CENPL: variants seen among roughly 807,000 people sequenced by gnomAD.
CENPL encodes the protein centromere protein L.
In CENPL, 20 loss-of-function variants were observed where a neutral mutation model predicts 35.2. That is an observed-to-expected ratio of 0.57 (90% confidence interval 0.40 to 0.83). The LOEUF is 0.83. Ranked by LOEUF, CENPL falls within the 40% of genes least tolerant of loss-of-function variation. CENPL has a pLI of 0.00. For synonymous variants in CENPL, 140 were observed against 140.6 expected (o/e 1.00, Z 0.03); for missense variants, 363 against 395.8 (o/e 0.92, Z 0.70).
Position 173,803,027 on chromosome 1 carries a change from G to A in CENPL, c.899C>T (p.Ser300Leu). Residue 300 changes from serine (S) to leucine (L), a missense_variant, in exon 5 of 6, where the codon TCA becomes TTA. Ser to Leu is a moderately radical substitution (Grantham distance 145). Transcript: ENST00000682279. The part of the protein sequence containing the change: ...HFHRHFKIHL[S>L]ATRLVRVSTS... ...TGAAACACGAACTAATCTTGTGGCTGATAAATGAATTTTGAAATGTCTATG... is the reference window on the plus strand; with the variant it reads ...TGAAACACGAACTAATCTTGTGGCTAATAAATGAATTTTGAAATGTCTATG... 1 of 1,613,616 alleles carries A rather than the reference G, an allele frequency of 6.2e-7. No individual in the cohort carries two copies. Among genetic ancestry groups the A allele is most frequent in the Non-Finnish European group, 8.5e-7 (1 of 1,179,542 alleles).
chr1:173,806,063 C>CAGCCACAGACAATATATA (rs1378180898), intron 4 of CENPL, among the ~76,000 whole-genome samples: 2 of 152,156 alleles, frequency 1.3e-5, no homozygotes, highest in Non-Finnish European at 2.9e-5. Context: ...AGCACAAAAG[C>CAGCCACAGACAATATATA]AGCCACAGAC....
At chr1:173,808,150 G>A (rs1193277532) in intron 3 of CENPL, among the ~76,000 whole-genome samples, 1 of 152,134 alleles carries the variant, frequency 6.6e-6, no homozygotes, top group Non-Finnish European at 1.5e-5. Flanking sequence ...GCTGACGACT[G>A]TAATCCCAGC....
Position 173,803,523 on chromosome 1 carries a change from A to G in CENPL, c.421-18T>C, listed in dbSNP as rs1649948657. 2 of 1,529,878 alleles carry G rather than the reference A, an allele frequency of 1.3e-6. No homozygotes were observed. The highest frequency in any genetic ancestry group is 2.8e-5 in the African/African-American group (2 of 71,782). 94.8% of individuals were successfully genotyped at this position (1,529,878 alleles called of 1,614,324 possible). On this transcript the variant is annotated intron_variant, in intron 4 of 5. Transcript: ENST00000682279. ...GACACAATCTACAAAGAAAGTAAAC[A>G]GGCTCCTTAAATTCAAAAGTACATT...
intron 2 of CENPL, among the ~76,000 whole-genome samples, chr1:173,817,293 TAAAC>T (rs1291800769): frequency 7.2e-5 from 11 of 152,152 alleles, no homozygotes; most frequent in Admixed American, 7.2e-4. Context: ...AAAAAGGACT[TAAAC>T]AAATTTACAA....
In CENPL at chr1:173,820,641, C is replaced by T. The variant is rs548870548; in HGVS notation, c.-8+3285G>A. On this transcript the variant is annotated intron_variant, in intron 2 of 5. Transcript: ENST00000682279. Reference sequence around the variant, plus strand: ...TTATTTTTAGAAATGTTCATAGTAGCTTTATTCATAATAGCCAAAAATTGA... The same window carrying T: ...TTATTTTTAGAAATGTTCATAGTAGTTTTATTCATAATAGCCAAAAATTGA... Among the ~76,000 whole-genome samples the T allele has an allele frequency of 2.0e-5, 3 of 152,240 alleles. No homozygotes were observed. The East Asian group carries it at 5.8e-4, about 29-fold the overall frequency.
rs780571441 is a variant in CENPL at position 173,803,149 on chromosome 1, C to T, written c.777G>A (p.Glu259=). 6.2e-7 allele frequency: 1 copy of T among 1,614,076 alleles called. No homozygotes were observed. Among genetic ancestry groups the T allele is most frequent in the Admixed American group, 1.7e-5 (1 of 60,024 alleles). ...CACTGTCCCATAGAGCTTTTGCATC[C>T]TCTGGATGTATTGCGAAAGAAATGT... The part of the protein sequence containing the change: ...SLDISFAIHP[E]DAKALWDSVH... The change falls in exon 5 of 6, where the codon GAG becomes GAA. Residue 259 remains glutamate (E), a synonymous_variant. Coordinates refer to ENST00000682279, the MANE Select transcript of CENPL (RefSeq NM_001387287.1).
chr1:173,817,059 C>T (rs992220528), intron 2 of CENPL, among the ~76,000 whole-genome samples: 3 of 152,008 alleles, frequency 2.0e-5, no homozygotes, highest in Non-Finnish European at 4.4e-5. Context: ...AATCGCTGAA[C>T]CCAAGGAGGC....
At position 173,799,854 on chromosome 1, in the gene CENPL, T is replaced by C. The variant is rs1557843167; in HGVS notation, c.*594A>G. On this transcript the variant is annotated 3_prime_UTR_variant, in exon 6 of 6. Coordinates refer to ENST00000682279, the MANE Select transcript of CENPL (RefSeq NM_001387287.1). ...TTAAACATAATAAACGCTGTATTTA[T>C]TTATTTTATTTCTTTTTTATTTTTT... 1 of 152,176 alleles carries C rather than the reference T, an allele frequency of 6.6e-6. No homozygotes were observed. Among genetic ancestry groups the C allele is most frequent in the Non-Finnish European group, 1.5e-5 (1 of 68,048 alleles). The allele number at this position is 152,176 out of a possible 1,614,324, so 9.4% of individuals were successfully genotyped here.
chr1:173,812,760 G>A (rs565125386), intron 2 of CENPL, among the ~76,000 whole-genome samples: 1 of 152,202 alleles, frequency 6.6e-6, no homozygotes, highest in South Asian at 2.1e-4. Flanking sequence ...AAACCAGAGG[G>A]CCTCTTCTCC....
At chr1:173,813,323 A>G (rs1486295538) in intron 2 of CENPL, among the ~76,000 whole-genome samples, 1 of 152,228 alleles carries the variant, frequency 6.6e-6, no homozygotes, top group African/African-American at 2.4e-5. Flanking sequence ...AAATACACAG[A>G]ACACCACAAA....
At chr1:173,806,006 T>A in intron 4 of CENPL, among the ~76,000 whole-genome samples, 1 of 152,324 alleles carries the variant, frequency 6.6e-6, no homozygotes. Flanking sequence ...ATTTCAGACT[T>A]TGCTGGCAAT....
intron 4 of CENPL, among the ~76,000 whole-genome samples, chr1:173,805,121 A>C (rs1650091159): frequency 6.6e-6 from 1 of 152,206 alleles, no homozygotes; most frequent in African/African-American, 2.4e-5. Flanking sequence ...TAGATGCTTG[A>C]CTGATAATAT....
chr1:173,816,139 T>C (rs1164337569), intron 2 of CENPL, among the ~76,000 whole-genome samples: 1 of 152,116 alleles, frequency 6.6e-6, no homozygotes, highest in East Asian at 1.9e-4. Context: ...ATGTGAAGGA[T>C]CTCTTCAAGG....
At position 173,807,494 on chromosome 1, in the gene CENPL, C is replaced by A. The variant is rs1268779099; in HGVS notation, c.193G>T (p.Ala65Ser). ...GTCCACTGTTTATGCAGAAGGAATG[C>A]AACCTTTTGAGGGTCAACATCTTCC... is the stretch of plus-strand genomic sequence containing the variant. ...LQEDVDPQKV[A>S]FLLHKQWTLY... The change falls in exon 4 of 6, where the codon GCA (alanine) becomes TCA (serine). Residue 65 changes from alanine (A) to serine (S), a missense_variant. Transcript: ENST00000682279. 4.0e-6 allele frequency: 6 copies of A among 1,510,776 alleles called. No homozygotes were observed. In the African/African-American group the frequency reaches 4.1e-5, roughly 10 times the overall value. The allele number at this position is 1,510,776 out of a possible 1,614,324, so 93.6% of individuals were successfully genotyped here. A position where few individuals can be genotyped will look rare whatever the true frequency, so the allele number is the denominator to read the frequency against.
intron 3 of CENPL, among the ~76,000 whole-genome samples, chr1:173,808,990 T>A (rs1327370978): frequency 3.3e-5 from 5 of 152,222 alleles, no homozygotes; most frequent in African/African-American, 1.2e-4. Context: ...AAACCATGCA[T>A]CTGACAAAGG....
intron 3 of CENPL, among the ~76,000 whole-genome samples, chr1:173,810,338 C>G (rs1650688474): frequency 6.6e-6 from 1 of 151,850 alleles, no homozygotes; most frequent in Non-Finnish European, 1.5e-5. Context: ...TAGAGGGGAA[C>G]AACACACGCT....
intron 2 of CENPL, chr1:173,821,778 A>C (rs1339709750): frequency 6.6e-6 from 1 of 152,592 alleles, no homozygotes; most frequent in Non-Finnish European, 1.4e-5. Flanking sequence ...TCTCCCCTGG[A>C]CACCATCTCC....
At chr1:173,823,659 C>T (rs983246353) in intron 2 of CENPL, 1 of 152,208 alleles carries the variant, frequency 6.6e-6, no homozygotes, top group African/African-American at 2.4e-5. Context: ...GTTCTCTTGA[C>T]AATTCCACTT....
chr1:173,806,356 T>G, intron 4 of CENPL: 2 of 352,024 alleles, frequency 5.7e-6, no homozygotes, highest in Non-Finnish European at 1.2e-5. Flanking sequence ...GAGGCCAAGG[T>G]GGGTGGATCA....
Sources: allele counts gnomAD v4.1 joint callset (sites outside exome capture counted in the v4.1 genomes callset), GRCh38; gene constraint gnomAD v4.1.1; transcripts MANE v1.5; gene names NCBI Gene and HGNC (gene_info 2026-07-23, HGNC 2026-07-21).